The following ANKRD44 variants were observed in gnomAD, a reference collection of about 807,000 sequenced individuals.
The protein encoded by ANKRD44 is ankyrin repeat domain 44, also known as serine/threonine-protein phosphatase 6 regulatory ankyrin repeat subunit B.
ANKRD44 carries 35 observed loss-of-function variants against 116.0 expected under a neutral mutation model. The ratio of observed to expected loss-of-function variants is 0.30; its 90% CI spans 0.23 to 0.40. ANKRD44 has a LOEUF of 0.40. Ranked by LOEUF, ANKRD44 falls within the 10% of genes least tolerant of loss-of-function variation. The probability of loss-of-function intolerance (pLI) is 1.00; values close to 1 mark genes in which losing one functional copy is unlikely to be tolerated. For missense variants in ANKRD44, 1,014 were observed against 1,242.6 expected (o/e 0.82, Z 2.77); for synonymous variants, 435 against 461.8 (o/e 0.94, Z 0.74).
intron 1 of ANKRD44, among the ~76,000 whole-genome samples, chr2:197,289,602 C>T (rs965648158): frequency 6.6e-6 from 1 of 152,092 alleles, no homozygotes; most frequent in Admixed American, 6.6e-5. Context: ...TTATGCTGAG[C>T]AAAAGAAGCC....
chr2:197,253,586 A>C (rs979302442), intron 1 of ANKRD44, among the ~76,000 whole-genome samples: 10 of 152,176 alleles, frequency 6.6e-5, no homozygotes, highest in African/African-American at 2.4e-4. Flanking sequence ...TATACATATA[A>C]AAAGAAACCT....
At chr2:197,308,414 T>C (rs147038572) in intron 1 of ANKRD44, among the ~76,000 whole-genome samples, 58 of 152,262 alleles carry the variant, frequency 3.8e-4, no homozygotes, top group Non-Finnish European at 6.9e-4. Flanking sequence ...TAAGACTATA[T>C]AAGGCAAGAA....
At chr2:197,192,095 C>T (rs1425708381) in intron 1 of ANKRD44, among the ~76,000 whole-genome samples, 1 of 152,204 alleles carries the variant, frequency 6.6e-6, no homozygotes, top group African/African-American at 2.4e-5. Context: ...TGCCCTCCCA[C>T]ATCCCGCAAA....
chr2:197,038,492 C>T (rs2076848337), intron 16 of ANKRD44, among the ~76,000 whole-genome samples: 1 of 152,110 alleles, frequency 6.6e-6, no homozygotes, highest in African/African-American at 2.4e-5. Flanking sequence ...TTTACTGCTA[C>T]AAGGTGATGA....
At chr2:197,290,809 T>G (rs534526997) in intron 1 of ANKRD44, among the ~76,000 whole-genome samples, 3 of 151,888 alleles carry the variant, frequency 2.0e-5, no homozygotes, top group South Asian at 2.1e-4. Flanking sequence ...TTGTTTTTTG[T>G]TTTTTGTTTT....
intron 1 of ANKRD44, among the ~76,000 whole-genome samples, chr2:197,232,201 A>C (rs1247037118): frequency 6.6e-6 from 1 of 152,192 alleles, no homozygotes; most frequent in Non-Finnish European, 1.5e-5. Flanking sequence ...TGAGCTGATC[A>C]CAAAACTTCA....
intron 1 of ANKRD44, among the ~76,000 whole-genome samples, chr2:197,273,880 G>A (rs532914472): frequency 1.7e-4 from 25 of 146,758 alleles, no homozygotes; most frequent in African/African-American, 5.5e-4. Context: ...AGCTGATCCA[G>A]TGATAAAAGC....
chr2:197,071,264 C>T (rs2125097190), intron 16 of ANKRD44, among the ~76,000 whole-genome samples: 1 of 152,244 alleles, frequency 6.6e-6, no homozygotes, highest in South Asian at 2.1e-4. Context: ...TTGCTCTCTC[C>T]AGATTCTTGA....
chr2:197,192,951 T>G (rs894948697), intron 1 of ANKRD44, among the ~76,000 whole-genome samples: 1 of 152,182 alleles, frequency 6.6e-6, no homozygotes, highest in Non-Finnish European at 1.5e-5. Flanking sequence ...CTACAGGCTA[T>G]GCTGCAGAGT....
At chr2:197,019,839 C>T (rs556433347) in intron 17 of ANKRD44, among the ~76,000 whole-genome samples, 21 of 151,656 alleles carry the variant, frequency 1.4e-4, no homozygotes, top group African/African-American at 4.8e-4. Flanking sequence ...TTCCGTCGCC[C>T]AGGCTGGAGT....
At chr2:197,050,245 T>C (rs973168746) in intron 16 of ANKRD44, among the ~76,000 whole-genome samples, 1 of 152,004 alleles carries the variant, frequency 6.6e-6, no homozygotes, top group African/African-American at 2.4e-5. Flanking sequence ...TGCTAAACCA[T>C]TCATGAGAAA....
intron 1 of ANKRD44, among the ~76,000 whole-genome samples, chr2:197,265,081 A>T (rs1183811216): frequency 6.6e-6 from 1 of 152,222 alleles, no homozygotes; most frequent in African/African-American, 2.4e-5. Flanking sequence ...TCATAGAAAT[A>T]TTCTGTCCAA....
At chr2:197,162,436 C>T (rs549070419) in intron 2 of ANKRD44, among the ~76,000 whole-genome samples, 1 of 152,312 alleles carries the variant, frequency 6.6e-6, no homozygotes, top group East Asian at 1.9e-4. Flanking sequence ...CCCACCAAAG[C>T]CAAGACTGCT....
At position 197,175,450 on chromosome 2, in the gene ANKRD44, G is replaced by A. The variant is rs2080342656; in HGVS notation, c.111+11573C>T. On this transcript the variant is annotated intron_variant, in intron 2 of 27. Coordinates refer to ENST00000282272, the MANE Select transcript of ANKRD44 (RefSeq NM_001195144.2). ...TATGAAAAGCAAGTGAGGATGCAAG[G>A]TATAAATCAACATGAAGCACTGATG... Among the ~76,000 whole-genome samples, 4 of 152,166 alleles carry A rather than the reference G, an allele frequency of 2.6e-5. No individual in the cohort carries two copies. In the South Asian group the frequency reaches 8.3e-4, roughly 31 times the overall value.
intron 10 of ANKRD44, among the ~76,000 whole-genome samples, chr2:197,094,607 T>C (rs895961358): frequency 6.6e-6 from 1 of 152,234 alleles, no homozygotes; most frequent in Non-Finnish European, 1.5e-5. Context: ...AAATTCTTTA[T>C]AATATTTACC....
At chr2:197,017,416 G>T (rs190606455) in intron 17 of ANKRD44, among the ~76,000 whole-genome samples, 1 of 152,274 alleles carries the variant, frequency 6.6e-6, no homozygotes. Flanking sequence ...CTTCCTGAGT[G>T]TGTGTTAACA....
intron 1 of ANKRD44, among the ~76,000 whole-genome samples, chr2:197,259,286 C>T (rs2082535001): frequency 6.6e-6 from 1 of 152,204 alleles, no homozygotes; most frequent in African/African-American, 2.4e-5. Context: ...TGAGTAGCTC[C>T]TGCTTACTTA....
At chr2:197,089,893 C>A in intron 11 of ANKRD44, 57 bp downstream of exon 11, 1 of 1,477,406 alleles carries the variant, frequency 6.8e-7, no homozygotes, top group Non-Finnish European at 9.5e-7. Context: ...ACACCTGAAG[C>A]CATTGACTCA....
chr2:197,052,798 G>A (rs886576554), intron 16 of ANKRD44, among the ~76,000 whole-genome samples: 4 of 152,222 alleles, frequency 2.6e-5, no homozygotes, highest in African/African-American at 9.6e-5. Context: ...TTAAATTGAT[G>A]CCTGACTGCC....
Sources: gnomAD v4.1 joint callset for allele counts (sites outside exome capture counted in the v4.1 genomes callset) on GRCh38, gnomAD v4.1.1 for gene constraint, MANE v1.5 for transcripts, NCBI Gene and HGNC (gene_info 2026-07-23, HGNC 2026-07-21) for gene names.